The following NUMB variants were observed in gnomAD, a reference collection of about 807,000 sequenced individuals.
NUMB encodes protein numb homolog.
NUMB carries 29 observed loss-of-function variants against 59.7 expected under a neutral mutation model. The ratio of observed to expected loss-of-function variants is 0.49; its 90% CI spans 0.36 to 0.66. The LOEUF is 0.66. Among genes scored for constraint, NUMB ranks in the 30% least tolerant of loss-of-function variants. The pLI, the probability that NUMB is intolerant of heterozygous loss-of-function variation, is 0.00. For missense variants in NUMB, 723 were observed against 822.0 expected (o/e 0.88, Z 1.47); for synonymous variants, 288 against 288.2 (o/e 1.00, Z 0.01).
At chr14:73,373,834 G>GCTAGAA (rs1194127228) in intron 2 of NUMB, among the ~76,000 whole-genome samples, 1 of 151,182 alleles carries the variant, frequency 6.6e-6, no homozygotes, top group East Asian at 1.9e-4. Context: ...CTCCCAAGTA[G>GCTAGAA]CTAGAACTAC....
rs1566756171 is a variant in NUMB at position 73,352,497 on chromosome 14, TATATATATATATATATATATATATATATA to T, written c.126+3100_126+3128del. Among the ~76,000 whole-genome samples the T allele has an allele frequency of 2.4e-3, 26 of 11,002 alleles. 3 individuals are homozygous for T. The highest frequency in any genetic ancestry group is 0.013 in the African/African-American group (26 of 2,056). The allele number at this position is 11,002 out of a possible 152,430, so 7.2% of individuals were successfully genotyped here. A position where few individuals can be genotyped will look rare whatever the true frequency, so the allele number is the denominator to read the frequency against. ...ACACACATATATATATATATATATATATATATATATATATATATATATATATATATATGTTTTTTTTTTTTTTTTTTTTT... is the reference window on the plus strand; with the variant it reads ...ACACACATATATATATATATATATATTATGTTTTTTTTTTTTTTTTTTTTT... On this transcript the variant is annotated intron_variant, in intron 4 of 12. Transcript: ENST00000555238.
At chr14:73,384,340 C>A (rs1043381803) in intron 2 of NUMB, among the ~76,000 whole-genome samples, 1 of 151,952 alleles carries the variant, frequency 6.6e-6, no homozygotes, top group South Asian at 2.1e-4. Flanking sequence ...CCACCCGCCT[C>A]GGCCTCCCAA....
intron 3 of NUMB, among the ~76,000 whole-genome samples, chr14:73,362,823 G>T (rs1188114485): frequency 1.3e-5 from 2 of 151,904 alleles, no homozygotes; most frequent in Non-Finnish European, 2.9e-5. Context: ...ATTAAAACTT[G>T]TTATCAAAAA....
At chr14:73,313,713 A>T (rs1890915841) in intron 6 of NUMB, among the ~76,000 whole-genome samples, 1 of 150,162 alleles carries the variant, frequency 6.7e-6, no homozygotes, top group Non-Finnish European at 1.5e-5. Flanking sequence ...TTCAGGTCCT[A>T]AACATTTCAA....
At chr14:73,444,780 C>G (rs569132749) in intron 1 of NUMB, among the ~76,000 whole-genome samples, 4 of 151,022 alleles carry the variant, frequency 2.6e-5, no homozygotes, top group South Asian at 4.2e-4. Context: ...TTGCTTGAAC[C>G]CAGGAGGCGG....
At chr14:73,456,053 G>A (rs1884346554) in intron 1 of NUMB, among the ~76,000 whole-genome samples, 1 of 151,644 alleles carries the variant, frequency 6.6e-6, no homozygotes, top group Non-Finnish European at 1.5e-5. Context: ...GACAAACACA[G>A]GAGGAACCAA....
At chr14:73,425,812 T>A (rs1202682280) in intron 1 of NUMB, among the ~76,000 whole-genome samples, 1 of 149,606 alleles carries the variant, frequency 6.7e-6, no homozygotes, top group East Asian at 1.9e-4. Context: ...TTATTTAATT[T>A]TTTTTTTTTT....
At chr14:73,334,911 T>C (rs1892209112) in intron 4 of NUMB, among the ~76,000 whole-genome samples, 1 of 140,722 alleles carries the variant, frequency 7.1e-6, no homozygotes, top group Admixed American at 7.9e-5. Context: ...ATTGCGCCAC[T>C]GCACTCCAGC....
At chr14:73,350,304 G>T (rs1249166088) in intron 4 of NUMB, among the ~76,000 whole-genome samples, 2 of 151,170 alleles carry the variant, frequency 1.3e-5, no homozygotes. Context: ...CTCCCGAGTA[G>T]CTGGGGTTAC....
intron 2 of NUMB, among the ~76,000 whole-genome samples, chr14:73,372,872 A>G (rs8009393): frequency 0.24 from 35,818 of 151,962 alleles, 5,148 homozygotes; most frequent in East Asian, 0.68. Flanking sequence ...TACTGTTTAT[A>G]TTTCTGTTCA....
intron 7 of NUMB, among the ~76,000 whole-genome samples, chr14:73,295,703 A>ATT (rs556732854): frequency 6.7e-6 from 1 of 148,462 alleles, no homozygotes; most frequent in Non-Finnish European, 1.5e-5. Flanking sequence ...TGGCATTTGA[A>ATT]TTTTTTTTTT....
chr14:73,298,208 A>C (rs1464482818), intron 6 of NUMB: 1 of 151,934 alleles, frequency 6.6e-6, no homozygotes, highest in African/African-American at 2.4e-5. Flanking sequence ...TTTAGAGACG[A>C]GGTCTCACTG....
At position 73,279,324 on chromosome 14, in the gene NUMB, A is replaced by G. The variant is rs773074499; in HGVS notation, c.1197T>C (p.His399=). ...TTTCCTTGTTAGCAGCATCAGGGGC[A>G]TGGGCCCAAGGGTTGGTTTCACGCA... ...MPVRETNPWA[H]APDAANKEIA... Residue 399 remains histidine (H), a synonymous_variant, in exon 12 of 13, where the codon CAT becomes CAC. Transcript: ENST00000555238. 3 of 1,611,504 alleles carry G rather than the reference A, an allele frequency of 1.9e-6. No individual in the cohort carries two copies. Among genetic ancestry groups the G allele is most frequent in the Non-Finnish European group, 2.5e-6 (3 of 1,178,462 alleles).
At chr14:73,420,780 ATAT>A (rs1178525089) in intron 1 of NUMB, among the ~76,000 whole-genome samples, 3 of 152,172 alleles carry the variant, frequency 2.0e-5, no homozygotes, top group Non-Finnish European at 4.4e-5. Context: ...AGATCGCACC[ATAT>A]TATTATGGAA....
At chr14:73,360,807 C>A (rs555051544) in intron 3 of NUMB, among the ~76,000 whole-genome samples, 1 of 152,184 alleles carries the variant, frequency 6.6e-6, no homozygotes, top group African/African-American at 2.4e-5. Flanking sequence ...CTCTATAATT[C>A]TTTATTATAC....
At chr14:73,387,344 G>A (rs1032957522) in intron 2 of NUMB, among the ~76,000 whole-genome samples, 2 of 152,048 alleles carry the variant, frequency 1.3e-5, no homozygotes, top group African/African-American at 2.4e-5. Flanking sequence ...TATACACGAC[G>A]GTTTAATTCT....
intron 7 of NUMB, among the ~76,000 whole-genome samples, chr14:73,295,198 T>C (rs1889699228): frequency 6.6e-6 from 1 of 151,876 alleles, no homozygotes; most frequent in Admixed American, 6.6e-5. Context: ...TTCTGTTTCA[T>C]AAAAATTTGT....
chr14:73,354,955 C>T (rs1394232864), intron 4 of NUMB, among the ~76,000 whole-genome samples: 4 of 151,912 alleles, frequency 2.6e-5, no homozygotes, highest in Admixed American at 6.6e-5. Context: ...TTTGCCCCCA[C>T]ATTTAATACA....
At chr14:73,448,784 T>C (rs1595051916) in intron 1 of NUMB, among the ~76,000 whole-genome samples, 1 of 152,178 alleles carries the variant, frequency 6.6e-6, no homozygotes. Flanking sequence ...GATTAATGGT[T>C]TCCACTGTTG....
Sources: gnomAD v4.1 joint callset for allele counts (sites outside exome capture counted in the v4.1 genomes callset) on GRCh38, gnomAD v4.1.1 for gene constraint, MANE v1.5 for transcripts, NCBI Gene and HGNC (gene_info 2026-07-23, HGNC 2026-07-21) for gene names.